The following RAB27A variants were observed in gnomAD, a reference collection of about 807,000 sequenced individuals.
RAB27A encodes the protein RAB27A, member RAS oncogene family.
In RAB27A, 17 loss-of-function variants were observed where a neutral mutation model predicts 20.8. The observed-to-expected ratio is 0.82, with a 90% CI of 0.56 to 1.23. RAB27A has a LOEUF of 1.23. Ranked by LOEUF, RAB27A falls within the 50% of genes most tolerant of loss-of-function variation. The pLI, the probability that RAB27A is intolerant of heterozygous loss-of-function variation, is 0.00. For synonymous variants in RAB27A, 85 were observed against 92.8 expected (o/e 0.92, Z 0.48); for missense variants, 277 against 266.7 (o/e 1.04, Z -0.27).
In RAB27A at chr15:55,306,998, G is replaced by A. The variant is rs376940695; in HGVS notation, c.-112+7041C>T. On this transcript the variant is annotated intron_variant, in intron 2 of 5. Coordinates refer to the RAB27A transcript ENST00000563262. ...GTCTCCTGGATTTTCGGGTTCCTTC[G>A]GCAGTATCCAGGGTTTGATTCGAGT... 1.5e-4 allele frequency among the ~76,000 whole-genome samples: 23 copies of A among 152,122 alleles called. 1 individual carries two copies. The highest frequency in any genetic ancestry group is 7.2e-4 in the Admixed American group (11 of 15,270).
rs1487466027 is a variant in RAB27A at position 55,285,631 on chromosome 15, A to G, written c.-143+4085T>C. 2.0e-5 allele frequency among the ~76,000 whole-genome samples: 3 copies of G among 152,246 alleles called. 1 individual carries two copies. Among genetic ancestry groups the G allele is most frequent in the Non-Finnish European group, 4.4e-5 (3 of 68,044 alleles). On this transcript the variant is annotated intron_variant, in intron 1 of 6. Coordinates refer to ENST00000336787, the MANE Select transcript of RAB27A (RefSeq NM_183235.3). Reference sequence around the variant, plus strand: ...AGAAGAACAAATACAGTCCAAGAAAATCTGCAAGTGGCATAAAAAGTGAAG... The same window carrying G: ...AGAAGAACAAATACAGTCCAAGAAAGTCTGCAAGTGGCATAAAAAGTGAAG...
At position 55,230,410 on chromosome 15, in the gene RAB27A, C is replaced by G. The variant is rs750877483; in HGVS notation, c.230G>C (p.Gly77Ala). The G allele has an allele frequency of 1.3e-5, 21 of 1,612,124 alleles. No individual in the cohort carries two copies. Among genetic ancestry groups the G allele is most frequent in the Non-Finnish European group, 1.8e-5 (21 of 1,178,172 alleles). The change falls in exon 4 of 7, where the codon GGG (glycine) becomes GCG (alanine). Residue 77 changes from glycine (G) to alanine (A), a missense_variant. Physicochemically the swap from Gly to Ala is moderately conservative, Grantham distance 60 (BLOSUM62 0). Transcript: ENST00000336787. ...ACTGAAGATCTCATACCTCTCCTGC[C>G]CTGCTGTGTCCCATAACTGCAGGTG... ...RIHLQLWDTAGQERFRSLTTA... is the reference protein window; with the variant it reads ...RIHLQLWDTAAQERFRSLTTA...
At chr15:55,318,976 CCTG>C (rs1162212184) in exon 1 of RAB27A, 2 of 404,804 alleles carry the variant, frequency 4.9e-6, no homozygotes, top group Non-Finnish European at 9.0e-6. Flanking sequence ...CTCGCTACCG[CCTG>C]CTCCCCTCCA....
chr15:55,280,503 T>TTATATATATATATATATATATA (rs71297648), intron 1 of RAB27A, among the ~76,000 whole-genome samples: 55 of 137,908 alleles, frequency 4.0e-4, no homozygotes, highest in African/African-American at 1.6e-3. Flanking sequence ...TGGGTATGGT[T>TTATATATATATATATATATATA]TATATATATA....
At chr15:55,256,080 TC>T (rs1230028544) in intron 2 of RAB27A, among the ~76,000 whole-genome samples, 1 of 152,092 alleles carries the variant, frequency 6.6e-6, no homozygotes, top group Non-Finnish European at 1.5e-5. Context: ...ACATGTAAGA[TC>T]GTTGTTTTAC....
At chr15:55,284,977 T>C (rs1898109457) in intron 1 of RAB27A, among the ~76,000 whole-genome samples, 1 of 152,182 alleles carries the variant, frequency 6.6e-6, no homozygotes, top group South Asian at 2.1e-4. Context: ...TTTGGACATT[T>C]TCACCATCGA....
At position 55,234,103 on chromosome 15, in the gene RAB27A, T is replaced by C. The variant is rs1282811148; in HGVS notation, c.153+679A>G. ...ATTTCCTGACAACTGGTTTACCTGC[T>C]TCAGGCCAACAATGGATTTTTCAAC... On this transcript the variant is annotated intron_variant, in intron 3 of 6. Coordinates refer to ENST00000336787, the MANE Select transcript of RAB27A (RefSeq NM_183235.3). Among the ~76,000 whole-genome samples, 3 of 152,220 alleles carry C rather than the reference T, an allele frequency of 2.0e-5. No individual in the cohort carries two copies. In the East Asian group the frequency reaches 5.8e-4, roughly 29 times the overall value.
At chr15:55,241,613 T>TGTGTATATATATATATATATATATAC in intron 2 of RAB27A, among the ~76,000 whole-genome samples, 2 of 130,502 alleles carry the variant, frequency 1.5e-5, no homozygotes, top group African/African-American at 8.0e-5. Flanking sequence ...TATATATATA[T>TGTGTATATATATATATATATATATAC]ATATATATAT....
At chr15:55,258,400 C>T (rs537041800) in intron 2 of RAB27A, among the ~76,000 whole-genome samples, 2 of 152,154 alleles carry the variant, frequency 1.3e-5, no homozygotes, top group Non-Finnish European at 2.9e-5. Flanking sequence ...CCTACCAGGG[C>T]ATATGCTCTT....
intron 1 of RAB27A, among the ~76,000 whole-genome samples, chr15:55,277,371 G>A (rs1041232828): frequency 6.6e-6 from 1 of 152,176 alleles, no homozygotes; most frequent in Non-Finnish European, 1.5e-5. Context: ...GGCAGGGCAC[G>A]ATGGCTCATA....
At chr15:55,269,572 C>T (rs1248489116) in intron 2 of RAB27A, among the ~76,000 whole-genome samples, 4 of 152,092 alleles carry the variant, frequency 2.6e-5, no homozygotes, top group African/African-American at 9.6e-5. Flanking sequence ...CATGGTGAAA[C>T]CCCATCTCTA....
chr15:55,218,906 G>C (rs890285043), intron 6 of RAB27A, among the ~76,000 whole-genome samples: 1 of 151,966 alleles, frequency 6.6e-6, no homozygotes, highest in East Asian at 1.9e-4. Context: ...TCATACCCAG[G>C]TAATTTTTAT....
intron 1 of RAB27A, among the ~76,000 whole-genome samples, chr15:55,318,362 A>G (rs1474238035): frequency 3.3e-5 from 5 of 149,386 alleles, no homozygotes; most frequent in African/African-American, 1.2e-4. Flanking sequence ...CTCCCAAAGT[A>G]CTGGGAATAC....
In RAB27A at chr15:55,205,556, G is replaced by C. The variant is rs1434577440; in HGVS notation, c.617C>G (p.Ser206Cys). ...CTTTTCTTCACTTAACTGATCCGTA[G>C]AGGCATGACCATTTGATCGCACCAC... Reference protein sequence around the residue: ...EGVVRSNGHASTDQLSEEKEK... With the variant: ...EGVVRSNGHACTDQLSEEKEK... Residue 206 changes from serine to cysteine, a missense_variant, in exon 7 of 7, where the codon TCT becomes TGT. By Grantham distance (112) the Ser-to-Cys change is moderately radical (BLOSUM62 -1). Transcript: ENST00000336787. 6.2e-7 allele frequency: 1 copy of C among 1,614,040 alleles called. No individual in the cohort carries two copies. The highest frequency in any genetic ancestry group is 2.2e-5 in the East Asian group (1 of 44,876).
At chr15:55,221,156 C>A (rs367566257) in intron 6 of RAB27A, among the ~76,000 whole-genome samples, 288 of 152,232 alleles carry the variant, frequency 1.9e-3, no homozygotes, top group African/African-American at 6.5e-3. Context: ...ACCGAGGGCA[C>A]AGGAAACAAG....
At chr15:55,262,342 C>T (rs1252666596) in intron 2 of RAB27A, among the ~76,000 whole-genome samples, 1 of 151,916 alleles carries the variant, frequency 6.6e-6, no homozygotes, top group East Asian at 2.0e-4. Flanking sequence ...GAGATCCAGA[C>T]CATCCTGGCT....
intron 2 of RAB27A, among the ~76,000 whole-genome samples, chr15:55,306,037 G>A (rs1250677543): frequency 6.6e-6 from 1 of 152,186 alleles, no homozygotes; most frequent in Non-Finnish European, 1.5e-5. Flanking sequence ...CATAGATTCT[G>A]AAGAGCCATT....
chr15:55,205,306 C>G lies in RAB27A; in HGVS notation c.*201G>C, dbSNP rs1395820781. On this transcript the variant is annotated 3_prime_UTR_variant, in exon 7 of 7. Transcript: ENST00000336787. ...TGGCTCTGAAATATTTCTCCTAACT[C>G]TCAGGCTGAATCTTAAAGAAATATT... is the stretch of plus-strand genomic sequence containing the variant. 1.3e-5 allele frequency: 8 copies of G among 633,954 alleles called. No homozygotes were observed. Among genetic ancestry groups the G allele is most frequent in the Non-Finnish European group, 2.2e-5 (8 of 362,134 alleles). The allele number at this position is 633,954 out of a possible 1,614,324, so 39.3% of individuals were successfully genotyped here. A position where few individuals can be genotyped will look rare whatever the true frequency, so the allele number is the denominator to read the frequency against.
At chr15:55,218,089 G>A (rs1038570115) in intron 6 of RAB27A, among the ~76,000 whole-genome samples, 2 of 152,206 alleles carry the variant, frequency 1.3e-5, no homozygotes, top group Non-Finnish European at 2.9e-5. Context: ...GTTAGAGGTT[G>A]CCAGGAATAA....
Sources: gnomAD v4.1 joint callset for allele counts (sites outside exome capture counted in the v4.1 genomes callset) on GRCh38, gnomAD v4.1.1 for gene constraint, MANE v1.5 for transcripts, NCBI Gene and HGNC (gene_info 2026-07-23, HGNC 2026-07-21) for gene names.